The following NSD2 variants were observed in gnomAD, a reference collection of about 807,000 sequenced individuals.
NSD2 encodes histone-lysine N-methyltransferase NSD2.
NSD2 carries 12 observed loss-of-function variants against 139.0 expected under a neutral mutation model. The observed-to-expected ratio is 0.09, with a 90% CI of 0.06 to 0.14. NSD2 has a LOEUF of 0.14. NSD2 is among the 10% of genes least tolerant of loss of function. The probability of loss-of-function intolerance (pLI) is 1.00; values close to 1 mark genes in which losing one functional copy is unlikely to be tolerated. For missense variants in NSD2, 1,155 were observed against 1,745.0 expected (o/e 0.66, Z 6.02); for synonymous variants, 669 against 648.7 (o/e 1.03, Z -0.48).
intron 9 of NSD2, chr4:1,941,009 C>T (rs188361623): frequency 2.8e-6 from 3 of 1,057,444 alleles, no homozygotes; most frequent in Non-Finnish European, 3.4e-6. Context: ...CAGTTTGATA[C>T]GTGTAGATAA....
chr4:1,945,225 C>T (rs1213551730), intron 9 of NSD2: 5 of 1,052,716 alleles, frequency 4.7e-6, no homozygotes, highest in Non-Finnish European at 4.6e-6. Flanking sequence ...GGGAACAAGA[C>T]GGGGTGGGGT....
rs527314300 is a variant in NSD2 at position 1,981,700 on chromosome 4, C to T, written c.*2791C>T. On this transcript the variant is annotated 3_prime_UTR_variant, in exon 22 of 22. Coordinates refer to ENST00000508803, the MANE Select transcript of NSD2 (RefSeq NM_001042424.3). ...GCTGGGTCCCCTTCGCAGTGTTTGTCTGTCTTGACATCTAAACCCCGGCGT... is the reference window on the plus strand; with the variant it reads ...GCTGGGTCCCCTTCGCAGTGTTTGTTTGTCTTGACATCTAAACCCCGGCGT... 7.1e-5 allele frequency: 28 copies of T among 395,626 alleles called. No homozygotes were observed. The highest frequency in any genetic ancestry group is 5.5e-4 in the African/African-American group (27 of 48,724). The allele number at this position is 395,626 out of a possible 1,614,324, so 24.5% of individuals were successfully genotyped here. A position where few individuals can be genotyped will look rare whatever the true frequency, so the allele number is the denominator to read the frequency against.
At chr4:1,872,591 T>TGTGTGTGAGA (rs1281608141) in intron 1 of NSD2, among the ~76,000 whole-genome samples, 25 of 44,896 alleles carry the variant, frequency 5.6e-4, no homozygotes, top group East Asian at 1.3e-3. Context: ...TGTGTGTGTG[T>TGTGTGTGAGA]GAGAGAGAGA....
In NSD2 at chr4:1,941,312, G is replaced by A. The variant is rs549011505; in HGVS notation, c.1881+1534G>A. The A allele has an allele frequency of 3.2e-5, 34 of 1,055,480 alleles. No homozygotes were observed. In the South Asian group the frequency reaches 1.3e-3, roughly 41 times the overall value. 65.4% of individuals were successfully genotyped at this position (1,055,480 alleles called of 1,614,324 possible). A position where few individuals can be genotyped will look rare whatever the true frequency, so the allele number is the denominator to read the frequency against. ...AATTTTGGTCCGGTTATTCACTTGAGTTGTTGCTTATACTGTTGTCAGGTA... is the reference window on the plus strand; with the variant it reads ...AATTTTGGTCCGGTTATTCACTTGAATTGTTGCTTATACTGTTGTCAGGTA... On this transcript the variant is annotated intron_variant, in intron 9 of 21. Coordinates refer to ENST00000508803, the MANE Select transcript of NSD2 (RefSeq NM_001042424.3).
rs1717034321 is a variant in NSD2, at chr4:1,900,677, G to A, written c.23G>A (p.Ser8Asn). 1.3e-6 allele frequency: 2 copies of A among 1,598,192 alleles called. No individual in the cohort carries two copies. Among genetic ancestry groups the A allele is most frequent in the African/African-American group, 2.7e-5 (2 of 74,490 alleles). MEFSIKQSPLSVQSVVKC... is the reference protein window; with the variant it reads MEFSIKQNPLSVQSVVKC... The stretch of plus-strand genomic sequence containing the variant: ...TGGATGGAATTTAGCATCAAGCAGA[G>A]TCCCCTTTCTGTTCAGAGTGTTGTA... The change falls in exon 2 of 22, where the codon AGT becomes AAT. Residue 8 changes from serine to asparagine, a missense_variant. Physicochemically the swap from Ser to Asn is conservative, Grantham distance 46. This residue lies in a region of NSD2 where 246 missense variants were observed against 262.8 expected (regional missense o/e 0.94). Transcript: ENST00000508803.
chr4:1,910,380 C>T (rs1215561065), intron 3 of NSD2, among the ~76,000 whole-genome samples: 1 of 152,050 alleles, frequency 6.6e-6, no homozygotes, highest in African/African-American at 2.4e-5. Flanking sequence ...CATGTGTCAC[C>T]ACACCCGACT....
intron 1 of NSD2, among the ~76,000 whole-genome samples, chr4:1,878,761 CAG>C (rs1046684357): frequency 2.6e-5 from 4 of 152,088 alleles, no homozygotes; most frequent in Non-Finnish European, 5.9e-5. Context: ...GGGCTGGTGG[CAG>C]AGGTCACAGA....
chr4:1,900,851 A>G lies in NSD2; in HGVS notation c.197A>G (p.Asn66Ser). The G allele has an allele frequency of 6.2e-7, 1 of 1,613,584 alleles. No homozygotes were observed. The highest frequency in any genetic ancestry group is 8.5e-7 in the Non-Finnish European group (1 of 1,179,718). The change falls in exon 2 of 22, where the codon AAC (asparagine) becomes AGC (serine). Residue 66 changes from asparagine to serine, a missense_variant. Physicochemically the swap from Asn to Ser is conservative, Grantham distance 46 (BLOSUM62 1). Around this residue, in one of 8 missense-constraint regions of NSD2, gnomAD observed 246 missense variants for 262.8 expected, o/e 0.94. Transcript: ENST00000508803. ...SLQEGVMQKF[N>S]GHDALPFIPA... is the part of the protein sequence containing the mutation. ...CAGGAGGGGGTCATGCAGAAGTTTA[A>G]CGGCCACGACGCCCTGCCCTTTATT...
At position 1,978,804 on chromosome 4, in the gene NSD2, A is replaced by G. The variant is rs1560825634; in HGVS notation, c.3993A>G (p.Ala1331=). Residue 1331 remains alanine (A), a synonymous_variant, in exon 22 of 22, where the codon GCA becomes GCG. Coordinates refer to ENST00000508803, the MANE Select transcript of NSD2 (RefSeq NM_001042424.3). The part of the protein sequence containing the change: ...SYCCEHDLGA[A]SVRSTKTEKP... ...GCTGTGAGCATGACTTAGGGGCGGCATCGGTCAGAAGCACCAAGACTGAGA... is the reference window on the plus strand; with the variant it reads ...GCTGTGAGCATGACTTAGGGGCGGCGTCGGTCAGAAGCACCAAGACTGAGA... 1 of 1,612,556 alleles carries G rather than the reference A, an allele frequency of 6.2e-7. No homozygotes were observed. The highest frequency in any genetic ancestry group is 2.2e-5 in the East Asian group (1 of 44,812).
At chr4:1,886,229 CAG>C (rs1417462889) in intron 1 of NSD2, among the ~76,000 whole-genome samples, 1 of 152,054 alleles carries the variant, frequency 6.6e-6, no homozygotes, top group Non-Finnish European at 1.5e-5. Flanking sequence ...CTTTTTGAGA[CAG>C]GATCTCACTG....
intron 3 of NSD2, among the ~76,000 whole-genome samples, chr4:1,914,011 C>T (rs1300468886): frequency 6.6e-6 from 1 of 152,050 alleles, no homozygotes. Context: ...TGAGTCCTTG[C>T]AGTTCAGAGT....
At chr4:1,953,055 G>GA in intron 11 of NSD2, 1 of 1,454,582 alleles carries the variant, frequency 6.9e-7, no homozygotes, top group South Asian at 1.5e-5. Flanking sequence ...TTGCCAGTTA[G>GA]ACTGGGCCTC....
chr4:1,960,942 C>T (rs1253193785), intron 17 of NSD2, 93 bp from the exon 18 acceptor site: 12 of 924,220 alleles, frequency 1.3e-5, no homozygotes, highest in South Asian at 7.6e-5. Flanking sequence ...GTGTGGTGCC[C>T]GTTCTAAGTG....
intron 18 of NSD2, among the ~76,000 whole-genome samples, chr4:1,964,189 T>C (rs1478051998): frequency 6.6e-6 from 1 of 152,158 alleles, no homozygotes; most frequent in Non-Finnish European, 1.5e-5. Context: ...AATAGAGCTT[T>C]AGACGCCACA....
At chr4:1,921,898 C>T (rs1720191350) in intron 5 of NSD2, among the ~76,000 whole-genome samples, 1 of 151,904 alleles carries the variant, frequency 6.6e-6, no homozygotes, top group Non-Finnish European at 1.5e-5. Context: ...CCTGTAATCC[C>T]AACACTTTGG....
At chr4:1,876,846 C>T (rs1482817488) in intron 1 of NSD2, among the ~76,000 whole-genome samples, 1 of 151,958 alleles carries the variant, frequency 6.6e-6, no homozygotes, top group Non-Finnish European at 1.5e-5. Flanking sequence ...ATTTGTTATG[C>T]CGTTTGCTGG....
At chr4:1,873,434 C>T (rs909695930) in intron 1 of NSD2, among the ~76,000 whole-genome samples, 1 of 152,150 alleles carries the variant, frequency 6.6e-6, no homozygotes, top group African/African-American at 2.4e-5. Context: ...ATAAGGTCAG[C>T]AGGCTGCAGG....
intron 18 of NSD2, among the ~76,000 whole-genome samples, chr4:1,966,371 A>ACATACATT (rs57703773): frequency 2.6e-5 from 4 of 152,002 alleles, no homozygotes; most frequent in African/African-American, 9.7e-5. Flanking sequence ...GATTGAAGAG[A>ACATACATT]TAGGGCTGGG....
Position 1,958,870 on chromosome 4 carries a change from C to T in NSD2, c.2986-601C>T, listed in dbSNP as rs1039710990. Among the ~76,000 whole-genome samples, 1 of 152,202 alleles carries T rather than the reference C, an allele frequency of 6.6e-6. No homozygotes were observed. The highest frequency in any genetic ancestry group is 1.5e-5 in the Non-Finnish European group (1 of 68,048). On this transcript the variant is annotated intron_variant, in intron 16 of 21. Transcript: ENST00000508803. This position sits in a 1 kb window ranked among gnomAD's most constrained non-coding sequence, Gnocchi z 4.6. ...CCACAGCAGTGAAAAGAGTGTCTTT[C>T]GCCACCTCTTCCCTAAGATTATGCA...
Sources: gnomAD v4.1 joint callset for allele counts (sites outside exome capture counted in the v4.1 genomes callset) on GRCh38, gnomAD v4.1.1 for gene constraint, gnomAD v4.1.1 regional missense constraint, Gnocchi (gnomAD v3.1) non-coding constraint, MANE v1.5 for transcripts, NCBI Gene and HGNC (gene_info 2026-07-23, HGNC 2026-07-21) for gene names.